MYT1L: variants seen among roughly 807,000 people sequenced by gnomAD.
MYT1L encodes the protein myelin transcription factor 1-like protein.
In MYT1L, 12 loss-of-function variants were observed where a neutral mutation model predicts 126.7. The observed-to-expected ratio is 0.09, with a 90% CI of 0.06 to 0.15. MYT1L has a LOEUF of 0.15. Ranked by LOEUF, MYT1L falls within the 10% of genes least tolerant of loss-of-function variation. The probability of loss-of-function intolerance (pLI) is 1.00; values close to 1 mark genes in which losing one functional copy is unlikely to be tolerated. For synonymous variants in MYT1L, 541 were observed against 604.2 expected (o/e 0.90, Z 1.53); for missense variants, 979 against 1,585.2 (o/e 0.62, Z 6.49).
At chr2:2,191,628 G>C (rs1403694840) in intron 2 of MYT1L, among the ~76,000 whole-genome samples, 1 of 152,176 alleles carries the variant, frequency 6.6e-6, no homozygotes, top group Non-Finnish European at 1.5e-5. Flanking sequence ...GGGTCAGGAC[G>C]TCTGCAGGTG....
intron 18 of MYT1L, 81 bp from the exon 19 acceptor site, chr2:1,851,784 G>A (rs2043291884): frequency 1.5e-6 from 2 of 1,328,884 alleles, no homozygotes; most frequent in Non-Finnish European, 1.1e-6. Context: ...AATCCAAAAA[G>A]CAAACTAACT....
At chr2:2,288,058 C>A (rs1273266232) in intron 1 of MYT1L, among the ~76,000 whole-genome samples, 1 of 152,224 alleles carries the variant, frequency 6.6e-6, no homozygotes, top group Non-Finnish European at 1.5e-5. Context: ...CATCTGGTCT[C>A]ATTTCCTGAC....
chr2:1,933,987 T>TC (rs1242917038), intron 9 of MYT1L, among the ~76,000 whole-genome samples: 4 of 145,996 alleles, frequency 2.7e-5, no homozygotes, highest in Admixed American at 6.8e-5. Context: ...TTTTTTTTTT[T>TC]TTTTTGAGAT....
Position 2,152,010 on chromosome 2 carries a change from C to T in MYT1L, c.-304+20862G>A, listed in dbSNP as rs59210587. Among the ~76,000 whole-genome samples the T allele has an allele frequency of 8.6e-3, 1,303 of 152,284 alleles. 20 individuals carry two copies. The highest frequency in any genetic ancestry group is 0.03 in the African/African-American group (1,228 of 41,552). Reference sequence around the variant, plus strand: ...GGCAGAGGTTGCAGTGAGCCGAGATCGCGCCACCACACTCCAGCCTGGGTG... The same window carrying T: ...GGCAGAGGTTGCAGTGAGCCGAGATTGCGCCACCACACTCCAGCCTGGGTG... On this transcript the variant is annotated intron_variant, in intron 3 of 24. Coordinates refer to ENST00000647738, the MANE Select transcript of MYT1L (RefSeq NM_001303052.2).
chr2:2,303,185 A>T (rs1023691723), intron 1 of MYT1L, among the ~76,000 whole-genome samples: 1 of 152,224 alleles, frequency 6.6e-6, no homozygotes, highest in East Asian at 1.9e-4. Flanking sequence ...CATAATGTTC[A>T]GCATCACAGG....
At chr2:1,939,455 T>TG (rs1300692455) in intron 9 of MYT1L, among the ~76,000 whole-genome samples, 14 of 152,210 alleles carry the variant, frequency 9.2e-5, no homozygotes, top group African/African-American at 3.1e-4. Flanking sequence ...AGGACGTCTC[T>TG]GGTAGGCACC....
At chr2:2,086,133 G>T (rs961467278) in intron 3 of MYT1L, among the ~76,000 whole-genome samples, 1 of 152,148 alleles carries the variant, frequency 6.6e-6, no homozygotes, top group African/African-American at 2.4e-5. Flanking sequence ...TGATAAAGAA[G>T]ACTGAAATTA....
chr2:2,148,070 C>T lies in MYT1L; in HGVS notation c.-304+24802G>A, dbSNP rs369144846. ...CTGCACCTCTAATTTAAGCAGGATG[C>T]AGGATCACACCTCTCATCCTCCAGG... is the stretch of plus-strand genomic sequence containing the variant. On this transcript the variant is annotated intron_variant, in intron 3 of 24. Transcript: ENST00000647738. 3.9e-5 allele frequency among the ~76,000 whole-genome samples: 6 copies of T among 152,176 alleles called. No homozygotes were observed. In the East Asian group the frequency reaches 9.6e-4, roughly 24 times the overall value.
chr2:2,240,986 G>T (rs1409005790), intron 2 of MYT1L, among the ~76,000 whole-genome samples: 1 of 152,120 alleles, frequency 6.6e-6, no homozygotes, highest in Admixed American at 6.5e-5. Flanking sequence ...TGAGTGAATG[G>T]TAGCTGCCAC....
At chr2:1,874,605 C>A (rs1379200649) in intron 18 of MYT1L, among the ~76,000 whole-genome samples, 1 of 152,202 alleles carries the variant, frequency 6.6e-6, no homozygotes, top group East Asian at 1.9e-4. Flanking sequence ...GGATGTCCTT[C>A]CTCCATCACC....
chr2:1,969,674 C>T (rs2059660034), intron 8 of MYT1L, among the ~76,000 whole-genome samples: 1 of 152,170 alleles, frequency 6.6e-6, no homozygotes, highest in Admixed American at 6.5e-5. Context: ...GCTGTGGGAC[C>T]CTGGTTGTTG....
chr2:2,125,903 C>A (rs754019981), intron 3 of MYT1L, among the ~76,000 whole-genome samples: 12 of 152,208 alleles, frequency 7.9e-5, no homozygotes, highest in Non-Finnish European at 1.5e-4. Flanking sequence ...ATTCTAGCAA[C>A]AATGCCGCAA....
chr2:2,327,527 C>T (rs1464002063), intron 1 of MYT1L, among the ~76,000 whole-genome samples: 1 of 152,094 alleles, frequency 6.6e-6, no homozygotes, highest in Non-Finnish European at 1.5e-5. Flanking sequence ...AAATGCATAA[C>T]ATCATTGCGC....
intron 3 of MYT1L, among the ~76,000 whole-genome samples, chr2:2,167,712 C>G (rs1286784945): frequency 2.0e-5 from 3 of 152,300 alleles, no homozygotes; most frequent in Admixed American, 2.0e-4. Context: ...GGTAACTCTC[C>G]AGCCCTCCAC....
At chr2:2,217,703 C>CAAA (rs1235557482) in intron 2 of MYT1L, among the ~76,000 whole-genome samples, 13 of 74,036 alleles carry the variant, frequency 1.8e-4, no homozygotes, top group African/African-American at 7.0e-4. Flanking sequence ...ACAACAACAA[C>CAAA]AACAAAAAAA....
In MYT1L at chr2:1,792,479, T is replaced by A; in HGVS notation, c.3277-15A>T. ...ATCGTGGTAATCTGAAACGCACAAG[T>A]GTGCGTGACATGTAACACCAGGAGG... is the stretch of plus-strand genomic sequence containing the variant. On this transcript the variant is annotated splice_polypyrimidine_tract_variant and intron_variant, in intron 23 of 24. Transcript: ENST00000647738. The A allele has an allele frequency of 6.2e-7, 1 of 1,609,990 alleles. No individual in the cohort carries two copies. Among genetic ancestry groups the A allele is most frequent in the Non-Finnish European group, 8.5e-7 (1 of 1,177,020 alleles).
At chr2:2,187,692 G>A (rs1412822688) in intron 2 of MYT1L, among the ~76,000 whole-genome samples, 1 of 152,034 alleles carries the variant, frequency 6.6e-6, no homozygotes, top group African/African-American at 2.4e-5. Flanking sequence ...ATTCATGGCT[G>A]AATTCAACAC....
intron 4 of MYT1L, among the ~76,000 whole-genome samples, chr2:2,014,497 G>A (rs981257376): frequency 1.6e-4 from 24 of 152,184 alleles, no homozygotes; most frequent in African/African-American, 5.5e-4. Flanking sequence ...GTGGAAGGTC[G>A]TGTCTGCATG....
chr2:2,047,181 C>A (rs1244765255), intron 4 of MYT1L, among the ~76,000 whole-genome samples: 1 of 152,192 alleles, frequency 6.6e-6, no homozygotes, highest in Non-Finnish European at 1.5e-5. Context: ...TCTTTTGACT[C>A]AGCAAGATTT....
Sources: allele counts gnomAD v4.1 joint callset (sites outside exome capture counted in the v4.1 genomes callset), GRCh38; gene constraint gnomAD v4.1.1; transcripts MANE v1.5; gene names NCBI Gene and HGNC (gene_info 2026-07-23, HGNC 2026-07-21).